AGBL1: variants seen among roughly 807,000 people sequenced by gnomAD.
AGBL1 encodes cytosolic carboxypeptidase 4.
Under a neutral mutation model 118.9 loss-of-function variants are expected in AGBL1, and 130 were observed. That is an observed-to-expected ratio of 1.09 (90% confidence interval 0.95 to 1.26). The LOEUF is 1.26. AGBL1 is among the 50% of genes most tolerant of loss of function. AGBL1 has a pLI of 0.00. For synonymous variants in AGBL1, 555 were observed against 478.9 expected, an observed-to-expected ratio of 1.16 and a Z score of -2.08; for missense variants, 1,584 against 1,298.1, an observed-to-expected ratio of 1.22 and a Z score of -3.38.
intron 21 of AGBL1, among the ~76,000 whole-genome samples, chr15:86,593,943 AAC>A (rs1362992109): frequency 6.6e-6 from 1 of 151,658 alleles, no homozygotes. Context: ...TTAATTTTGA[AAC>A]AGAGTTTTGC....
At chr15:86,954,237 A>T (rs1952639493) in intron 23 of AGBL1, among the ~76,000 whole-genome samples, 1 of 152,216 alleles carries the variant, frequency 6.6e-6, no homozygotes, top group South Asian at 2.1e-4. Context: ...AGCAGTTGGG[A>T]GATTTCTCAA....
chr15:86,354,697 G>A (rs1259128329), intron 17 of AGBL1, among the ~76,000 whole-genome samples: 1 of 152,178 alleles, frequency 6.6e-6, no homozygotes, highest in Non-Finnish European at 1.5e-5. Context: ...TCTCAAAGAT[G>A]TCCTTGCCCT....
intron 22 of AGBL1, among the ~76,000 whole-genome samples, chr15:86,685,918 T>C (rs2086046034): frequency 6.6e-6 from 1 of 152,188 alleles, no homozygotes; most frequent in Admixed American, 6.5e-5. Flanking sequence ...AAGAGCTGAC[T>C]TCCTGTAATT....
At chr15:86,272,470 T>C (rs2079177002) in intron 15 of AGBL1, among the ~76,000 whole-genome samples, 1 of 152,208 alleles carries the variant, frequency 6.6e-6, no homozygotes, top group South Asian at 2.1e-4. Context: ...AGACTAGTAC[T>C]TACTTTCTTA....
intron 23 of AGBL1, among the ~76,000 whole-genome samples, chr15:86,928,408 C>G (rs1037881191): frequency 1.3e-5 from 2 of 152,150 alleles, no homozygotes; most frequent in African/African-American, 4.8e-5. Context: ...CCGTCTGAGT[C>G]CAAATCAATC....
intron 18 of AGBL1, among the ~76,000 whole-genome samples, chr15:86,485,833 A>G (rs1364272028): frequency 2.0e-5 from 3 of 152,148 alleles, no homozygotes; most frequent in African/African-American, 7.2e-5. Flanking sequence ...GCCTGCAGAA[A>G]TACCCTTGAC....
intron 22 of AGBL1, among the ~76,000 whole-genome samples, chr15:86,804,248 A>G (rs1015342794): frequency 4.6e-5 from 7 of 152,148 alleles, no homozygotes; most frequent in Non-Finnish European, 1.5e-5. Flanking sequence ...TCCATCTGTT[A>G]AGTGCATGTT....
At chr15:86,146,845 T>C (rs1387609060) in intron 3 of AGBL1, among the ~76,000 whole-genome samples, 1 of 152,224 alleles carries the variant, frequency 6.6e-6, no homozygotes, top group African/African-American at 2.4e-5. Flanking sequence ...TACAACCTCT[T>C]TGCTGGTGTC....
intron 23 of AGBL1, among the ~76,000 whole-genome samples, chr15:86,927,502 A>G (rs2347460): frequency 0.69 from 104,238 of 151,862 alleles, 36,679 homozygotes; most frequent in South Asian, 0.89. Flanking sequence ...CAGGAGGATC[A>G]CTGGAGCCCA....
In AGBL1 at chr15:86,650,869, TG is replaced by T. The variant is rs570616792; in HGVS notation, c.2995-23403del. ...AGCTAGTCTTGCCCACGCTACTCTC[TG>T]CCAAGGACAAATTCCAAGTAGGTTT... On this transcript the variant is annotated intron_variant, in intron 21 of 22. Coordinates refer to ENST00000614907, the MANE Select transcript of AGBL1 (RefSeq NM_001386094.1). Among the ~76,000 whole-genome samples, 315 of 152,306 alleles carry T rather than the reference TG, an allele frequency of 2.1e-3. 2 individuals are homozygous for T. Among genetic ancestry groups the T allele is most frequent in the Admixed American group, 0.019 (286 of 15,284 alleles).
At chr15:86,544,388 A>G (rs1386437820) in intron 19 of AGBL1, among the ~76,000 whole-genome samples, 2 of 152,088 alleles carry the variant, frequency 1.3e-5, no homozygotes, top group African/African-American at 4.8e-5. Context: ...CTTGCATCAT[A>G]TTTGCTCAGT....
intron 5 of AGBL1, among the ~76,000 whole-genome samples, chr15:86,208,631 C>T (rs4887414): frequency 0.49 from 74,205 of 151,748 alleles, 18,251 homozygotes; most frequent in South Asian, 0.58. Context: ...TATTCTGTGA[C>T]GGTAGTTTGT....
At chr15:86,533,707 C>A (rs1314221190) in intron 19 of AGBL1, among the ~76,000 whole-genome samples, 2 of 121,492 alleles carry the variant, frequency 1.6e-5, no homozygotes, top group Non-Finnish European at 3.2e-5. Flanking sequence ...GACTTGGAAC[C>A]AACCCAAATG....
chr15:86,365,559 C>T (rs1315170551), intron 17 of AGBL1, among the ~76,000 whole-genome samples: 1 of 152,070 alleles, frequency 6.6e-6, no homozygotes, highest in Non-Finnish European at 1.5e-5. Flanking sequence ...TGAATTTTTG[C>T]CTCTTATGTG....
At chr15:86,274,401 G>T (rs1026031008) in intron 15 of AGBL1, among the ~76,000 whole-genome samples, 1 of 151,974 alleles carries the variant, frequency 6.6e-6, no homozygotes, top group Non-Finnish European at 1.5e-5. Context: ...TGGTCATTTT[G>T]ATTGCAATTT....
chr15:86,143,966 C>A, intron 3 of AGBL1, 121 bp downstream of exon 3: 2 of 1,260,084 alleles, frequency 1.6e-6, no homozygotes, highest in Non-Finnish European at 2.1e-6. Flanking sequence ...AGGTTCTGGA[C>A]AACTTGATGG....
At chr15:86,230,121 G>C (rs184728065) in intron 6 of AGBL1, among the ~76,000 whole-genome samples, 1 of 152,208 alleles carries the variant, frequency 6.6e-6, no homozygotes, top group Admixed American at 6.5e-5. Context: ...TTAATGCTCT[G>C]TCTGGCTGGT....
intron 17 of AGBL1, among the ~76,000 whole-genome samples, chr15:86,333,278 T>C (rs1053551701): frequency 1.3e-5 from 2 of 152,312 alleles, no homozygotes; most frequent in Non-Finnish European, 2.9e-5. Flanking sequence ...GCAAGATTGA[T>C]AGACTGCTAG....
chr15:86,507,068 C>G (rs540050437), intron 18 of AGBL1, among the ~76,000 whole-genome samples: 6 of 152,090 alleles, frequency 3.9e-5, no homozygotes, highest in East Asian at 3.9e-4. Context: ...GTTTTGATTT[C>G]TCATATTGCA....
Sources: allele counts gnomAD v4.1 joint callset (sites outside exome capture counted in the v4.1 genomes callset), GRCh38; gene constraint gnomAD v4.1.1; transcripts MANE v1.5; gene names NCBI Gene and HGNC (gene_info 2026-07-23, HGNC 2026-07-21).